The following PCIF1 variants were observed in gnomAD, a reference collection of about 807,000 sequenced individuals.
The protein encoded by PCIF1 is phosphorylated CTD interacting factor 1, also known as mRNA (2'-O-methyladenosine-N(6)-)-methyltransferase.
PCIF1 carries 12 observed loss-of-function variants against 86.9 expected under a neutral mutation model. The ratio of observed to expected loss-of-function variants is 0.14; its 90% CI spans 0.09 to 0.22. PCIF1 has a LOEUF of 0.22. Ranked by LOEUF, PCIF1 falls within the 10% of genes least tolerant of loss-of-function variation. The pLI is 1.00. For missense variants in PCIF1, 701 were observed against 951.1 expected (o/e 0.74, Z 3.46); for synonymous variants, 397 against 372.0 (o/e 1.07, Z -0.77).
chr20:45,941,291 C>T (rs6065908), intron 7 of PCIF1, 84 bp downstream of exon 7: 254,931 of 1,491,576 alleles, frequency 0.17, 23,267 homozygotes, highest in South Asian at 0.2. Context: ...TTGGGGATGG[C>T]GGAGTGGGGC....
At chr20:45,944,113 A>G (rs150884927) in intron 10 of PCIF1, among the ~76,000 whole-genome samples, 18 of 152,150 alleles carry the variant, frequency 1.2e-4, no homozygotes, top group African/African-American at 3.9e-4. Context: ...GTGTGTGTTC[A>G]TATCATGGTT....
Position 45,940,911 on chromosome 20 carries a change from C to G in PCIF1, c.490C>G (p.Gln164Glu). 1 of 1,614,174 alleles carries G rather than the reference C, an allele frequency of 6.2e-7. No homozygotes were observed. The change falls in exon 6 of 17, where the codon CAG becomes GAG. Residue 164 changes from glutamine to glutamate, a missense_variant. This residue lies in a region of PCIF1 where 125 missense variants were observed against 126.8 expected (regional missense o/e 0.99). Transcript: ENST00000372409. ...GTGGGGTACGTCCCCTGAAGATAAA[C>G]AGCAGGCAGCTCTCCTACGACCCAC... ...KMWGTSPEDK[Q>E]QAALLRPTEV...
intron 4 of PCIF1, 92 bp downstream of exon 4, chr20:45,939,431 GC>G: frequency 6.4e-7 from 1 of 1,552,418 alleles, no homozygotes; most frequent in Admixed American, 1.7e-5. Flanking sequence ...TCAGTGCCCA[GC>G]CCTGTGCTGG....
intron 4 of PCIF1, among the ~76,000 whole-genome samples, chr20:45,940,232 G>T (rs2083457900): frequency 6.6e-6 from 1 of 152,226 alleles, no homozygotes; most frequent in Non-Finnish European, 1.5e-5. Flanking sequence ...AATAATCTCA[G>T]TGGTGATGTA....
intron 1 of PCIF1, among the ~76,000 whole-genome samples, chr20:45,935,144 G>C (rs1200377660): frequency 8.6e-5 from 13 of 151,020 alleles, no homozygotes; most frequent in Non-Finnish European, 1.6e-4. Flanking sequence ...GCCGGCGCGC[G>C]CGCGCGCGCC....
intron 10 of PCIF1, among the ~76,000 whole-genome samples, chr20:45,944,098 T>G (rs1157736662): frequency 6.6e-6 from 1 of 152,150 alleles, no homozygotes; most frequent in Non-Finnish European, 1.5e-5. Flanking sequence ...CTGCTTTTTT[T>G]GGGTGTGTGT....
intron 10 of PCIF1, among the ~76,000 whole-genome samples, chr20:45,944,373 G>A (rs544863279): frequency 9.2e-5 from 14 of 152,322 alleles, no homozygotes; most frequent in Middle Eastern, 6.8e-3. Flanking sequence ...AGTTTTACAC[G>A]TGTGATTCAG....
At chr20:45,940,682 A>C in intron 5 of PCIF1, 70 bp downstream of exon 5, 1 of 1,577,180 alleles carries the variant, frequency 6.3e-7, no homozygotes, top group Non-Finnish European at 8.6e-7. Context: ...GGCTCCCTGC[A>C]GGGGCTGGGC....
Position 45,934,704 on chromosome 20 carries a change from C to G in PCIF1, c.-288C>G, listed in dbSNP as rs899376508. ...CAGCGCGGAGTCCCGGCCCGGGACA[C>G]AAGATGGCGGCAGCGGCGCTGGGGA... is the stretch of plus-strand genomic sequence containing the variant. On this transcript the variant is annotated 5_prime_UTR_variant, in exon 1 of 17. Transcript: ENST00000372409. The G allele has an allele frequency of 2.5e-6, 1 of 398,850 alleles. No individual in the cohort carries two copies. Among genetic ancestry groups the G allele is most frequent in the Non-Finnish European group, 4.4e-6 (1 of 225,970 alleles). The allele number at this position is 398,850 out of a possible 1,614,324, so 24.7% of individuals were successfully genotyped here. A position where few individuals can be genotyped will look rare whatever the true frequency, so the allele number is the denominator to read the frequency against.
chr20:45,937,046 C>T (rs1215027075), intron 1 of PCIF1, among the ~76,000 whole-genome samples: 2 of 152,012 alleles, frequency 1.3e-5, no homozygotes, highest in Non-Finnish European at 2.9e-5. Flanking sequence ...AAGCCACGTG[C>T]CCAGCCTAAG....
At chr20:45,938,956 C>T in intron 2 of PCIF1, 25 bp from the exon 3 acceptor site, 3 of 1,610,518 alleles carry the variant, frequency 1.9e-6, no homozygotes, top group Non-Finnish European at 1.7e-6. Context: ...GTGGAGCTGA[C>T]ACTCTTTGGT....
chr20:45,947,203 C>G lies in PCIF1; in HGVS notation c.1707+37C>G, dbSNP rs745480831. ...GCCAGGGTGAGAGGTGGGCAACAGG[C>G]AGGATTGCCAGCCACCTGGGAGGTA... On this transcript the variant is annotated intron_variant, in intron 15 of 16. Transcript: ENST00000372409. The surrounding 1 kb of genome is among the most constrained non-coding windows in gnomAD (Gnocchi z 5.4). 6.2e-7 allele frequency: 1 copy of G among 1,600,748 alleles called. No individual in the cohort carries two copies. The highest frequency in any genetic ancestry group is 8.5e-7 in the Non-Finnish European group (1 of 1,169,992).
chr20:45,944,987 C>G lies in PCIF1; in HGVS notation c.1125C>G (p.Ile375Met), dbSNP rs1312269387. The G allele has an allele frequency of 6.2e-7, 1 of 1,613,810 alleles. No individual in the cohort carries two copies. The highest frequency in any genetic ancestry group is 1.7e-5 in the Admixed American group (1 of 59,998). Residue 375 changes from isoleucine (I) to methionine (M), a missense_variant, in exon 11 of 17, where the codon ATC (isoleucine) becomes ATG (methionine). This residue lies in a region of PCIF1 where 121 missense variants were observed against 131.7 expected (regional missense o/e 0.92). Coordinates refer to ENST00000372409, the MANE Select transcript of PCIF1 (RefSeq NM_022104.4). ...YHISLEYVKR[I>M]REKHLAILKE... ...TCTCCCTGGAGTACGTCAAACGGATCCGAGAGAAGCACCTTGCCATCCTCA... is the reference window on the plus strand; with the variant it reads ...TCTCCCTGGAGTACGTCAAACGGATGCGAGAGAAGCACCTTGCCATCCTCA...
chr20:45,946,115 G>GGTACA lies in PCIF1; in HGVS notation c.1428+2_1428+6dup. 2 of 1,614,198 alleles carry GGTACA rather than the reference G, an allele frequency of 1.2e-6. No individual in the cohort carries two copies. The highest frequency in any genetic ancestry group is 1.7e-6 in the Non-Finnish European group (2 of 1,180,036). On this transcript the variant is annotated frameshift_variant and splice_region_variant. Coordinates refer to ENST00000372409, the MANE Select transcript of PCIF1 (RefSeq NM_022104.4). LOFTEE classifies it high-confidence loss of function. ...TCTGGTGTCTTCTCCGACGGTACCA[G>GGTACA]GTACAGGCCTGGGGCAGCAGGGAGG...
chr20:45,937,241 G>A (rs2083434896), intron 1 of PCIF1, among the ~76,000 whole-genome samples, 177 bp from the exon 2 acceptor site: 1 of 152,220 alleles, frequency 6.6e-6, no homozygotes, highest in African/African-American at 2.4e-5. Flanking sequence ...GCCCATGAAA[G>A]CAAACCTATT....
Position 45,947,320 on chromosome 20 carries a change from C to T in PCIF1, c.1765C>T (p.Arg589Trp), listed in dbSNP as rs1184556937. 1.2e-6 allele frequency: 2 copies of T among 1,613,294 alleles called. No individual in the cohort carries two copies. The highest frequency in any genetic ancestry group is 1.3e-5 in the African/African-American group (1 of 75,036). ...CTTCATCGTGTTCATCCCTGAGTGG[C>T]GGGAACCCCCAACACCAGCGCTCAC... ...LSFIVFIPEW[R>W]EPPTPALTRM... is the part of the protein sequence containing the mutation. Residue 589 changes from arginine (R) to tryptophan (W), a missense_variant, in exon 16 of 17, where the codon CGG (arginine) becomes TGG (tryptophan). Coordinates refer to ENST00000372409, the MANE Select transcript of PCIF1 (RefSeq NM_022104.4). The surrounding 1 kb of genome is among the most constrained non-coding windows in gnomAD (Gnocchi z 5.4).
At position 45,943,027 on chromosome 20, in the gene PCIF1, T is replaced by G; in HGVS notation, c.674-70T>G. ...GCTTACTGCTGAATGCGATGCTTCC[T>G]ATACGTGCCAAGCTCCAAGTGGGAC... On this transcript the variant is annotated intron_variant, in intron 7 of 16. Coordinates refer to ENST00000372409, the MANE Select transcript of PCIF1 (RefSeq NM_022104.4). The surrounding 1 kb of genome is among the most constrained non-coding windows in gnomAD (Gnocchi z 5.5). 2 of 1,501,476 alleles carry G rather than the reference T, an allele frequency of 1.3e-6. No homozygotes were observed. Among genetic ancestry groups the G allele is most frequent in the Non-Finnish European group, 1.8e-6 (2 of 1,096,216 alleles). The allele number at this position is 1,501,476 out of a possible 1,614,324, so 93.0% of individuals were successfully genotyped here.
At position 45,944,865 on chromosome 20, in the gene PCIF1, T is replaced by C; in HGVS notation, c.1006-3T>C. 1.2e-6 allele frequency: 2 copies of C among 1,612,530 alleles called. No homozygotes were observed. The highest frequency in any genetic ancestry group is 1.7e-6 in the Non-Finnish European group (2 of 1,179,138). Reference sequence around the variant, plus strand: ...GCGCCCTGATCCAGAATGTGTCCTCTAGGATCGCCTGGAGCATCTGCGGAG... The same window carrying C: ...GCGCCCTGATCCAGAATGTGTCCTCCAGGATCGCCTGGAGCATCTGCGGAG... On this transcript the variant is annotated splice_region_variant and splice_polypyrimidine_tract_variant and intron_variant, in intron 10 of 16. Transcript: ENST00000372409.
intron 1 of PCIF1, among the ~76,000 whole-genome samples, chr20:45,936,349 T>C (rs1326520567): frequency 3.4e-5 from 5 of 149,076 alleles, no homozygotes; most frequent in Admixed American, 6.7e-5. Context: ...TAATTTTTTT[T>C]TTTTTTTTTT....
Sources: allele counts gnomAD v4.1 joint callset (sites outside exome capture counted in the v4.1 genomes callset), GRCh38; gene constraint gnomAD v4.1.1; regional missense constraint gnomAD v4.1.1; non-coding constraint Gnocchi (gnomAD v3.1); transcripts MANE v1.5; gene names NCBI Gene and HGNC (gene_info 2026-07-23, HGNC 2026-07-21).